KMT2A: variants seen among roughly 807,000 people sequenced by gnomAD.
The protein encoded by KMT2A is histone-lysine N-methyltransferase 2A.
In KMT2A, 16 loss-of-function variants were observed where a neutral mutation model predicts 345.3. The ratio of observed to expected loss-of-function variants is 0.05; its 90% CI spans 0.03 to 0.07. The LOEUF (loss-of-function observed/expected upper bound fraction) is 0.07, where lower values mean the gene tolerates loss of function less well. Among genes scored for constraint, KMT2A ranks in the 10% least tolerant of loss-of-function variants. The pLI is 1.00. For missense variants in KMT2A, 3,272 were observed against 4,841.6 expected (o/e 0.68, Z 9.62); for synonymous variants, 1,599 against 1,778.6 (o/e 0.90, Z 2.54).
chr11:118,493,367 C>A lies in KMT2A; in HGVS notation c.5178+137C>A. On this transcript the variant is annotated intron_variant, in intron 16 of 35. Coordinates refer to ENST00000534358, the MANE Select transcript of KMT2A (RefSeq NM_001197104.2). This position sits in a 1 kb window ranked among gnomAD's most constrained non-coding sequence, Gnocchi z 5.8. ...AGAAATGTCACGTGGCTTTAGATAC[C>A]TAAAAATGTATGAGTTATTTTAGCT... The A allele has an allele frequency of 1.7e-6, 1 of 576,870 alleles. No individual in the cohort carries two copies. Among genetic ancestry groups the A allele is most frequent in the Non-Finnish European group, 2.9e-6 (1 of 349,752 alleles). The allele number at this position is 576,870 out of a possible 1,614,324, so 35.7% of individuals were successfully genotyped here. A position where few individuals can be genotyped will look rare whatever the true frequency, so the allele number is the denominator to read the frequency against.
In KMT2A at chr11:118,505,167, A is replaced by T; in HGVS notation, c.9275A>T (p.Tyr3092Phe). Residue 3092 changes from tyrosine (Y) to phenylalanine (F), a missense_variant, in exon 27 of 36, where the codon TAT (tyrosine) becomes TTT (phenylalanine). This residue lies in a region of KMT2A where 748 missense variants were observed against 922.2 expected (regional missense o/e 0.81). Transcript: ENST00000534358. This position sits in a 1 kb window ranked among gnomAD's most constrained non-coding sequence, Gnocchi z 4.6. ...IVVNQNMQPL[Y>F]VLQTLPNGVT... ...GTTAACCAGAACATGCAGCCACTTT[A>T]TGTTCTCCAAACTCTTCCAAATGGA... is the stretch of plus-strand genomic sequence containing the variant. The T allele has an allele frequency of 1.2e-6, 2 of 1,614,156 alleles. No homozygotes were observed. Among genetic ancestry groups the T allele is most frequent in the Non-Finnish European group, 1.7e-6 (2 of 1,180,024 alleles).
chr11:118,468,271 A>G (rs1255572327), intron 1 of KMT2A, among the ~76,000 whole-genome samples: 5 of 152,204 alleles, frequency 3.3e-5, no homozygotes, highest in African/African-American at 1.2e-4. Flanking sequence ...CTAAATGTCA[A>G]TTCCTGAGTT....
intron 1 of KMT2A, among the ~76,000 whole-genome samples, chr11:118,467,525 A>G (rs1245252501): frequency 6.6e-6 from 1 of 152,236 alleles, no homozygotes; most frequent in Non-Finnish European, 1.5e-5. Flanking sequence ...TCAGTTGCCT[A>G]GTATGCAAAG....
chr11:118,477,006 G>C (rs201233324), intron 4 of KMT2A, 24 bp downstream of exon 4: 33 of 1,611,636 alleles, frequency 2.0e-5, no homozygotes, highest in Non-Finnish European at 2.8e-5. Context: ...GTCAATCTTG[G>C]AGTCGGAACA....
At chr11:118,444,860 G>A (rs781801551) in intron 1 of KMT2A, among the ~76,000 whole-genome samples, 1 of 152,068 alleles carries the variant, frequency 6.6e-6, no homozygotes, top group Non-Finnish European at 1.5e-5. Context: ...CAAATGTGAG[G>A]CACTGCACCC....
intron 8 of KMT2A, among the ~76,000 whole-genome samples, chr11:118,482,942 T>C (rs1465414790): frequency 6.6e-6 from 1 of 151,862 alleles, no homozygotes; most frequent in Non-Finnish European, 1.5e-5. Context: ...CCAAAAAAAA[T>C]TTAGGCTTGG....
intron 10 of KMT2A, among the ~76,000 whole-genome samples, chr11:118,486,008 G>A (rs1555040771): frequency 1.3e-5 from 2 of 152,176 alleles, no homozygotes; most frequent in East Asian, 1.9e-4. Flanking sequence ...GCATGAACCC[G>A]GGAGGTGGAG....
chr11:118,514,322 G>A (rs958759059), intron 31 of KMT2A, among the ~76,000 whole-genome samples: 2 of 152,290 alleles, frequency 1.3e-5, no homozygotes, highest in East Asian at 3.9e-4. Context: ...ACATGGCGAG[G>A]TCCTCTTCAG....
intron 5 of KMT2A, among the ~76,000 whole-genome samples, chr11:118,479,407 A>G (rs1243615251): frequency 2.6e-5 from 4 of 152,230 alleles, no homozygotes; most frequent in Non-Finnish European, 5.9e-5. Context: ...GGCACAAATA[A>G]TAGGTGTCAA....
At chr11:118,443,378 A>G (rs1949353398) in intron 1 of KMT2A, among the ~76,000 whole-genome samples, 1 of 152,184 alleles carries the variant, frequency 6.6e-6, no homozygotes, top group African/African-American at 2.4e-5. Flanking sequence ...CCATACCACC[A>G]CTGTTAAATA....
chr11:118,444,306 T>C (rs1185231543), intron 1 of KMT2A, among the ~76,000 whole-genome samples: 1 of 152,230 alleles, frequency 6.6e-6, no homozygotes, highest in Non-Finnish European at 1.5e-5. Context: ...CCTAGATTAT[T>C]GCCTTTAATT....
At chr11:118,455,192 C>G (rs529816474) in intron 1 of KMT2A, among the ~76,000 whole-genome samples, 1 of 152,166 alleles carries the variant, frequency 6.6e-6, no homozygotes. Flanking sequence ...TGCCCAGCCC[C>G]TAGTGTCTTT....
intron 10 of KMT2A, among the ~76,000 whole-genome samples, chr11:118,485,641 C>T (rs1187540127): frequency 6.6e-6 from 1 of 152,090 alleles, no homozygotes; most frequent in African/African-American, 2.4e-5. Flanking sequence ...TCTAACATAG[C>T]AATTGCACTT....
chr11:118,514,726 C>T (rs1016355899), intron 31 of KMT2A, among the ~76,000 whole-genome samples: 2 of 152,098 alleles, frequency 1.3e-5, no homozygotes, highest in Non-Finnish European at 2.9e-5. Flanking sequence ...CTCCACCTCC[C>T]GAATTCAAGC....
In KMT2A at chr11:118,484,760, T is replaced by C; in HGVS notation, c.4219-102T>C. 1.3e-6 allele frequency: 1 copy of C among 784,426 alleles called. No individual in the cohort carries two copies. Among genetic ancestry groups the C allele is most frequent in the Non-Finnish European group, 2.2e-6 (1 of 451,136 alleles). 48.6% of individuals were successfully genotyped at this position (784,426 alleles called of 1,614,324 possible). ...TTGGACTCATTGAAATGAAATACTC[T>C]GACATTGTGATGTCACACTAATTTT... On this transcript the variant is annotated intron_variant, in intron 9 of 35. Transcript: ENST00000534358. The surrounding 1 kb of genome is among the most constrained non-coding windows in gnomAD (Gnocchi z 4.1).
At chr11:118,499,951 A>G (rs1950474292) in intron 24 of KMT2A, 38 bp downstream of exon 24, 1 of 1,343,506 alleles carries the variant, frequency 7.4e-7, no homozygotes, top group Non-Finnish European at 1.1e-6. Context: ...CAGCCCCACA[A>G]CCTGAACACA....
In KMT2A at chr11:118,526,812, CAT is replaced by C. The variant is rs1555055787; in HGVS notation, c.*4641_*4642del. On this transcript the variant is annotated 3_prime_UTR_variant, in exon 36 of 36. Transcript: ENST00000534358. ...TTTAAGTGATAGTTTAATTAATAAA[CAT>C]GTCAAGTTTATTGCTGCACATGGTT... 4 of 220,646 alleles carry C rather than the reference CAT, an allele frequency of 1.8e-5. 1 individual carries two copies. Among genetic ancestry groups the C allele is most frequent in the African/African-American group, 9.0e-5 (4 of 44,632 alleles). 13.7% of individuals were successfully genotyped at this position (220,646 alleles called of 1,614,324 possible). A position where few individuals can be genotyped will look rare whatever the true frequency, so the allele number is the denominator to read the frequency against.
chr11:118,500,252 C>T (rs1286965272), intron 24 of KMT2A, among the ~76,000 whole-genome samples: 2 of 151,992 alleles, frequency 1.3e-5, no homozygotes, highest in African/African-American at 4.8e-5. Context: ...CAGCTCATGC[C>T]CTGTTCCCAA....
At position 118,479,313 on chromosome 11, in the gene KMT2A, T is replaced by A. The variant is rs551522109; in HGVS notation, c.3570-861T>A. On this transcript the variant is annotated intron_variant, in intron 5 of 35. Coordinates refer to ENST00000534358, the MANE Select transcript of KMT2A (RefSeq NM_001197104.2). ...TTAGTCAGTTTGTGGAGGTACTTTCTGCCATCTGGCATACTTTATTTAAAA... is the reference window on the plus strand; with the variant it reads ...TTAGTCAGTTTGTGGAGGTACTTTCAGCCATCTGGCATACTTTATTTAAAA... Among the ~76,000 whole-genome samples the A allele has an allele frequency of 2.9e-4, 44 of 152,364 alleles. No homozygotes were observed. In the South Asian group the frequency reaches 7.7e-3, roughly 27 times the overall value.
Sources: gnomAD v4.1 joint callset for allele counts (sites outside exome capture counted in the v4.1 genomes callset) on GRCh38, gnomAD v4.1.1 for gene constraint, gnomAD v4.1.1 regional missense constraint, Gnocchi (gnomAD v3.1) non-coding constraint, MANE v1.5 for transcripts, NCBI Gene and HGNC (gene_info 2026-07-23, HGNC 2026-07-21) for gene names.